Variants in CCNY observed in about 807,000 individuals in gnomAD.
The protein encoded by CCNY is cyclin Y, also known as cyclin-Y.
Under a neutral mutation model 42.8 loss-of-function variants are expected in CCNY, and 19 were observed. The observed-to-expected ratio is 0.44, with a 90% CI of 0.31 to 0.65. The LOEUF (loss-of-function observed/expected upper bound fraction) is 0.65. Ranked by LOEUF, CCNY falls within the 30% of genes least tolerant of loss-of-function variation. The pLI, the probability that CCNY is intolerant of heterozygous loss-of-function variation, is 0.07. For missense variants in CCNY, 370 were observed against 437.3 expected (o/e 0.85, Z 1.37); for synonymous variants, 165 against 162.7 (o/e 1.01, Z -0.11).
At chr10:35,298,955 A>G (rs995366262) in intron 3 of CCNY, among the ~76,000 whole-genome samples, 1 of 152,182 alleles carries the variant, frequency 6.6e-6, no homozygotes, top group Non-Finnish European at 1.5e-5. Context: ...TTGTATGAGC[A>G]TATGTTTTCA....
intron 9 of CCNY, 122 bp downstream of exon 9, chr10:35,566,307 T>C: frequency 1.0e-6 from 1 of 985,550 alleles, no homozygotes. Context: ...AAAGATGAGC[T>C]ACTAGGATAT....
intron 3 of CCNY, among the ~76,000 whole-genome samples, chr10:35,501,923 C>T (rs2135391398): frequency 6.6e-6 from 1 of 152,298 alleles, no homozygotes; most frequent in South Asian, 2.1e-4. Context: ...AGTTGTTTTC[C>T]ATGAGGCTCT....
intron 3 of CCNY, among the ~76,000 whole-genome samples, chr10:35,291,261 C>T (rs1835410156): frequency 6.6e-6 from 1 of 152,056 alleles, no homozygotes; most frequent in South Asian, 2.1e-4. Flanking sequence ...CCTGCCTTGG[C>T]CCCTCATAGT....
intron 2 of CCNY, among the ~76,000 whole-genome samples, chr10:35,485,262 T>C (rs1335235466): frequency 6.6e-6 from 1 of 152,234 alleles, no homozygotes; most frequent in East Asian, 1.9e-4. Flanking sequence ...CCTAAGGACA[T>C]TTTCTCTTCT....
chr10:35,477,227 T>A (rs561361396), intron 1 of CCNY, among the ~76,000 whole-genome samples: 32 of 152,172 alleles, frequency 2.1e-4, no homozygotes, highest in Non-Finnish European at 3.8e-4. Flanking sequence ...AACTGGTACC[T>A]TTCCTTCTGA....
intron 1 of CCNY, among the ~76,000 whole-genome samples, chr10:35,458,277 C>T (rs941997440): frequency 2.0e-5 from 3 of 152,200 alleles, no homozygotes; most frequent in African/African-American, 7.2e-5. Flanking sequence ...GATGACTTGG[C>T]CCTTTCCCTC....
intron 1 of CCNY, among the ~76,000 whole-genome samples, chr10:35,377,072 A>C (rs1329035643): frequency 1.3e-5 from 2 of 152,258 alleles, no homozygotes; most frequent in African/African-American, 4.8e-5. Flanking sequence ...CTGCATATGC[A>C]ATGGTGGTCC....
At chr10:35,523,247 G>C (rs1378205333) in intron 4 of CCNY, among the ~76,000 whole-genome samples, 1 of 152,158 alleles carries the variant, frequency 6.6e-6, no homozygotes, top group Non-Finnish European at 1.5e-5. Context: ...GACCTTTGTA[G>C]AGCCACAAAG....
At chr10:35,481,909 T>A (rs1329829303) in intron 1 of CCNY, among the ~76,000 whole-genome samples, 1 of 152,238 alleles carries the variant, frequency 6.6e-6, no homozygotes, top group African/African-American at 2.4e-5. Context: ...ATTCAGTGTC[T>A]CTTCCACCCA....
At chr10:35,545,122 A>G (rs1327128088) in intron 7 of CCNY, among the ~76,000 whole-genome samples, 3 of 152,224 alleles carry the variant, frequency 2.0e-5, no homozygotes, top group South Asian at 2.1e-4. Context: ...AAAGAAACCC[A>G]GACTTATTTT....
At chr10:35,274,708 GA>G (rs1298543307) in intron 3 of CCNY, among the ~76,000 whole-genome samples, 1 of 152,184 alleles carries the variant, frequency 6.6e-6, no homozygotes, top group Non-Finnish European at 1.5e-5. Flanking sequence ...AGTCCCGAGG[GA>G]AGACTGAAAT....
In CCNY at chr10:35,566,092, C is replaced by CA; in HGVS notation, c.818dup (p.Tyr274ValfsTer4). ...TCAATGTTCCTTCCAGTGTCTATGCCAAGTATTATTTTGATCTTCGTTCTC... is the reference window on the plus strand; with the variant it reads ...TCAATGTTCCTTCCAGTGTCTATGCCAAAGTATTATTTTGATCTTCGTTCTC... On this transcript the variant is annotated frameshift_variant, in exon 9 of 10. Coordinates refer to ENST00000374704, the MANE Select transcript of CCNY (RefSeq NM_145012.6). LOFTEE classifies it high-confidence loss of function. The CA allele has an allele frequency of 6.2e-7, 1 of 1,614,198 alleles. No homozygotes were observed. The highest frequency in any genetic ancestry group is 8.5e-7 in the Non-Finnish European group (1 of 1,180,038).
intron 1 of CCNY, 105 bp from the exon 2 acceptor site, chr10:35,483,299 C>G: frequency 1.4e-6 from 1 of 738,652 alleles, no homozygotes; most frequent in East Asian, 2.8e-5. Flanking sequence ...TTCCAGAATC[C>G]TTGAATGTAT....
chr10:35,406,201 T>TTTTATTTATTTA lies in CCNY; in HGVS notation c.154+69026_154+69037dup, dbSNP rs34172154. On this transcript the variant is annotated intron_variant, in intron 1 of 9. Transcript: ENST00000374704. ...TTTTTCTTTTTTTTTTTCTTTTTTA[T>TTTTATTTATTTA]TTTATTTATTTATTTATTTATTTAT... Among the ~76,000 whole-genome samples, 306 of 124,386 alleles carry TTTTATTTATTTA rather than the reference T, an allele frequency of 2.5e-3. 3 individuals carry two copies. The highest frequency in any genetic ancestry group is 4.3e-3 in the African/African-American group (136 of 31,370). The allele number at this position is 124,386 out of a possible 152,430, so 81.6% of individuals were successfully genotyped here.
Position 35,337,104 on chromosome 10 carries a change from G to A in CCNY, c.51G>A (p.Arg17=). 1 of 1,594,718 alleles carries A rather than the reference G, an allele frequency of 6.3e-7. No homozygotes were observed. The highest frequency in any genetic ancestry group is 1.7e-5 in the Admixed American group (1 of 58,168). ...TGTCGTCCAGTCCCAAGCTCCGGAG[G>A]AATGCCCACTCCCGGCTGGAGTCCT... ...CCVSSSPKLR[R]NAHSRLESYR... Residue 17 remains arginine (R), a synonymous_variant, in exon 1 of 10, where the codon AGG becomes AGA. Coordinates refer to ENST00000374704, the MANE Select transcript of CCNY (RefSeq NM_145012.6).
intron 3 of CCNY, chr10:35,501,746 C>T: frequency 2.0e-6 from 1 of 505,914 alleles, no homozygotes; most frequent in East Asian, 2.9e-5. Flanking sequence ...AGCCCTAGAC[C>T]ACTATTGTTC....
chr10:35,277,501 T>G (rs1406723201), intron 3 of CCNY, among the ~76,000 whole-genome samples: 2 of 152,104 alleles, frequency 1.3e-5, no homozygotes, highest in Non-Finnish European at 2.9e-5. Flanking sequence ...CAGGTCCTCC[T>G]CTCTGCCTAC....
intron 2 of CCNY, among the ~76,000 whole-genome samples, chr10:35,490,418 C>T (rs1839872602): frequency 6.6e-6 from 1 of 152,252 alleles, no homozygotes; most frequent in South Asian, 2.1e-4. Context: ...TGTTAATGTG[C>T]ATGCCCATGG....
At chr10:35,500,714 AT>A (rs1273644242) in intron 2 of CCNY, among the ~76,000 whole-genome samples, 5 of 152,246 alleles carry the variant, frequency 3.3e-5, no homozygotes, top group African/African-American at 1.2e-4. Flanking sequence ...ATACTAGGTT[AT>A]TACAAGCTCT....
Sources: gnomAD v4.1 joint callset for allele counts (sites outside exome capture counted in the v4.1 genomes callset) on GRCh38, gnomAD v4.1.1 for gene constraint, MANE v1.5 for transcripts, NCBI Gene and HGNC (gene_info 2026-07-23, HGNC 2026-07-21) for gene names.